Variants in TRMT11 observed in about 807,000 individuals in gnomAD.
TRMT11 encodes the protein tRNA (guanine(10)-N(2))-methyltransferase TRMT11.
A neutral mutation model predicts 62.8 loss-of-function variants in TRMT11; 53 were observed. That is an observed-to-expected ratio of 0.84 (90% CI 0.68 to 1.06). The LOEUF is 1.06. Ranked by LOEUF, TRMT11 falls within the 50% of genes least tolerant of loss-of-function variation. The probability of loss-of-function intolerance (pLI) is 0.00; values close to 1 mark genes in which losing one functional copy is unlikely to be tolerated. For synonymous variants in TRMT11, 188 were observed against 190.3 expected, an observed-to-expected ratio of 0.99 and a Z score of 0.10; for missense variants, 556 against 553.4, an observed-to-expected ratio of 1.00 and a Z score of -0.05.
intron 21 of TRMT11, among the ~76,000 whole-genome samples, chr6:126,151,863 T>TCC (rs1778054103): frequency 1.6e-5 from 2 of 126,328 alleles, no homozygotes; most frequent in Admixed American, 7.9e-5. Context: ...TCTTTCTTTC[T>TCC]TTCCTTCTTT....
At chr6:126,133,130 G>A (rs1211622446) in intron 21 of TRMT11, among the ~76,000 whole-genome samples, 3 of 151,864 alleles carry the variant, frequency 2.0e-5, no homozygotes, top group Non-Finnish European at 4.4e-5. Flanking sequence ...AATTAAGTTC[G>A]GATGAAAATT....
chr6:126,249,486 G>T, the TRMT11 span, among the ~76,000 whole-genome samples: 1 of 151,920 alleles, frequency 6.6e-6, no homozygotes, highest in African/African-American at 2.4e-5. Context: ...CTTGTTTTTT[G>T]TTTGTGTTAA....
intron 1 of TRMT11, among the ~76,000 whole-genome samples, chr6:126,182,336 T>C (rs151259156): frequency 1.3e-5 from 2 of 151,756 alleles, no homozygotes; most frequent in East Asian, 3.9e-4. Context: ...AGTTTGTCTG[T>C]GAATAGAGCC....
intron 12 of TRMT11, among the ~76,000 whole-genome samples, chr6:126,029,885 GT>G (rs1043649770): frequency 5.9e-5 from 9 of 151,862 alleles, no homozygotes; most frequent in East Asian, 3.9e-4. Context: ...TATCCCCAAT[GT>G]TTTTTTTATA....
the TRMT11 span, among the ~76,000 whole-genome samples, chr6:126,230,035 C>T: frequency 6.6e-6 from 1 of 152,136 alleles, no homozygotes; most frequent in East Asian, 1.9e-4. Context: ...TACCAAACCT[C>T]TGTCATGCTG....
chr6:126,232,081 C>T, the TRMT11 span, among the ~76,000 whole-genome samples: 1 of 151,872 alleles, frequency 6.6e-6, no homozygotes, highest in Admixed American at 6.6e-5. Flanking sequence ...ACTGCTATAT[C>T]CAAACTGAAA....
chr6:126,251,079 G>A, the TRMT11 span, among the ~76,000 whole-genome samples: 1 of 149,362 alleles, frequency 6.7e-6, no homozygotes, highest in Non-Finnish European at 1.5e-5. Flanking sequence ...CACCCAGGCT[G>A]GAGTGCAGTG....
chr6:126,271,363 C>CAAAAAAAAAAA, the TRMT11 span, among the ~76,000 whole-genome samples: 6 of 36,266 alleles, frequency 1.7e-4, no homozygotes, highest in African/African-American at 6.2e-4. Context: ...GACTCCATCT[C>CAAAAAAAAAAA]AAAAAAAAAA....
chr6:126,167,398 G>A (rs1311500883), intron 21 of TRMT11, among the ~76,000 whole-genome samples: 1 of 152,144 alleles, frequency 6.6e-6, no homozygotes, highest in Non-Finnish European at 1.5e-5. Context: ...CTTCCCAGGT[G>A]AGGTGATGCC....
the TRMT11 span, chr6:126,258,376 C>T: frequency 2.8e-6 from 1 of 354,570 alleles, no homozygotes; most frequent in South Asian, 2.3e-5. Context: ...CATCAGTCCC[C>T]TCACTGTGTC....
At chr6:126,093,631 A>ATATATATATATATATTTTTTTTT (rs1554236842) in intron 17 of TRMT11, among the ~76,000 whole-genome samples, 1 of 98,014 alleles carries the variant, frequency 1.0e-5, no homozygotes, top group African/African-American at 4.4e-5. Flanking sequence ...ATATATATAT[A>ATATATATATATATATTTTTTTTT]TTTTCCCCCA....
At chr6:125,996,158 A>C (rs199501975) in intron 3 of TRMT11, 118 bp downstream of exon 3, 4 of 615,550 alleles carry the variant, frequency 6.5e-6, no homozygotes. Context: ...GTTACATACA[A>C]CTGCCACTGG....
intron 8 of TRMT11, 101 bp from the exon 9 acceptor site, chr6:126,011,152 A>C: frequency 2.0e-6 from 2 of 982,380 alleles, no homozygotes; most frequent in Non-Finnish European, 2.9e-6. Context: ...AATTTTGAAT[A>C]AATGTAGGTT....
chr6:126,037,621 T>TAAAATA (rs1377209665), intron 12 of TRMT11, among the ~76,000 whole-genome samples: 1 of 152,044 alleles, frequency 6.6e-6, no homozygotes, highest in Non-Finnish European at 1.5e-5. Flanking sequence ...ATCTGGGTTT[T>TAAAATA]TGGTGTGATT....
At chr6:126,241,280 T>A in the TRMT11 span, among the ~76,000 whole-genome samples, 1 of 152,184 alleles carries the variant, frequency 6.6e-6, no homozygotes, top group South Asian at 2.1e-4. Flanking sequence ...CCGTCTTCTG[T>A]GTCGCTCACG....
At chr6:126,168,657 T>C (rs1778295640) in intron 21 of TRMT11, among the ~76,000 whole-genome samples, 2 of 152,208 alleles carry the variant, frequency 1.3e-5, no homozygotes, top group African/African-American at 4.8e-5. Flanking sequence ...TAGCTGGGAT[T>C]ACAGGAGTGT....
At chr6:126,115,061 C>T (rs762950272) in intron 19 of TRMT11, among the ~76,000 whole-genome samples, 41 of 151,980 alleles carry the variant, frequency 2.7e-4, no homozygotes, top group Admixed American at 5.2e-4. Flanking sequence ...CGTGTCTTTC[C>T]CCCTCCATAT....
chr6:126,067,057 G>A (rs751124215), intron 17 of TRMT11, among the ~76,000 whole-genome samples: 1 of 152,018 alleles, frequency 6.6e-6, no homozygotes, highest in Non-Finnish European at 1.5e-5. Flanking sequence ...GTGAAACCCT[G>A]TCTCTAATAA....
At chr6:126,131,242 T>C (rs1160430008) in intron 21 of TRMT11, among the ~76,000 whole-genome samples, 1 of 152,014 alleles carries the variant, frequency 6.6e-6, no homozygotes, top group Non-Finnish European at 1.5e-5. Flanking sequence ...AGAGAATTGG[T>C]GTTAGAGCAA....
Sources: allele counts gnomAD v4.1 joint callset (sites outside exome capture counted in the v4.1 genomes callset), GRCh38; gene constraint gnomAD v4.1.1; transcripts MANE v1.5; gene names NCBI Gene and HGNC (gene_info 2026-07-23, HGNC 2026-07-21).